The following PEMT variants were observed in gnomAD, a reference collection of about 807,000 sequenced individuals.
PEMT encodes phosphatidylethanolamine N-methyltransferase, also known as phospholipid methyltransferase.
Under a neutral mutation model 27.4 loss-of-function variants are expected in PEMT, and 23 were observed. The ratio of observed to expected loss-of-function variants is 0.84; its 90% CI spans 0.60 to 1.19. The LOEUF is 1.19. Among genes scored for constraint, PEMT ranks in the 50% most tolerant of loss-of-function variants. The probability of loss-of-function intolerance (pLI) is 0.00; values close to 1 mark genes in which losing one functional copy is unlikely to be tolerated. For missense variants in PEMT, 307 were observed against 310.1 expected (o/e 0.99, Z 0.07); for synonymous variants, 137 against 139.1 (o/e 0.98, Z 0.11).
chr17:17,587,391 C>G, intron 1 of PEMT, among the ~76,000 whole-genome samples: 1 of 152,098 alleles, frequency 6.6e-6, no homozygotes. Context: ...AATCCTTTAT[C>G]TTTTAAAGGA....
At chr17:17,522,245 G>A in intron 3 of PEMT, 35 bp downstream of exon 3, 3 of 1,483,576 alleles carry the variant, frequency 2.0e-6, no homozygotes, top group Non-Finnish European at 2.8e-6. Flanking sequence ...GCTAGCCCAG[G>A]GGTTGTGGCT....
chr17:17,578,028 A>C (rs1353968774), intron 1 of PEMT, among the ~76,000 whole-genome samples: 4 of 149,600 alleles, frequency 2.7e-5, no homozygotes, highest in African/African-American at 7.3e-5. Flanking sequence ...AAAAAAAAAA[A>C]AAAAAAGCAC....
chr17:17,576,482 TGTGGAACACACGAGGG>T (rs1319994326), intron 2 of PEMT, among the ~76,000 whole-genome samples: 3 of 152,216 alleles, frequency 2.0e-5, no homozygotes, highest in Non-Finnish European at 2.9e-5. Flanking sequence ...TAACCATGTT[TGTGGAACACACGAGGG>T]GTGGGAGATT....
At position 17,530,531 on chromosome 17, in the gene PEMT, C is replaced by T. The variant is rs570378487; in HGVS notation, c.205-8136G>A. ...AGAGAACAAAGGAACTACTAGAAAT[C>T]CAAAAACTCAATCAATAAACCTGGT... On this transcript the variant is annotated intron_variant, in intron 2 of 6. Transcript: ENST00000255389. Among the ~76,000 whole-genome samples, 47 of 152,058 alleles carry T rather than the reference C, an allele frequency of 3.1e-4. No homozygotes were observed. In the South Asian group the frequency reaches 9.3e-3, roughly 30 times the overall value.
chr17:17,562,178 C>T (rs1910530579), intron 2 of PEMT, among the ~76,000 whole-genome samples: 1 of 152,246 alleles, frequency 6.6e-6, no homozygotes, highest in African/African-American at 2.4e-5. Context: ...CAGCTCTGCA[C>T]ACACGGCCGA....
chr17:17,516,136 C>G (rs1906809022), intron 3 of PEMT, among the ~76,000 whole-genome samples: 1 of 152,172 alleles, frequency 6.6e-6, no homozygotes, highest in Non-Finnish European at 1.5e-5. Context: ...CGTCCACATC[C>G]ATGTGTGGCC....
chr17:17,511,104 C>A (rs1278225792), intron 4 of PEMT, among the ~76,000 whole-genome samples: 1 of 152,212 alleles, frequency 6.6e-6, no homozygotes, highest in Non-Finnish European at 1.5e-5. Context: ...AAGGCCTCGG[C>A]TCATCCTCCT....
intron 2 of PEMT, among the ~76,000 whole-genome samples, chr17:17,534,273 C>T (rs558813584): frequency 2.7e-4 from 41 of 152,330 alleles, no homozygotes; most frequent in African/African-American, 9.4e-4. Flanking sequence ...TAAAAAGGAA[C>T]TACCAGTCCA....
chr17:17,560,564 G>A (rs907535827), intron 2 of PEMT, among the ~76,000 whole-genome samples: 15 of 152,200 alleles, frequency 9.9e-5, no homozygotes, highest in Non-Finnish European at 1.2e-4. Flanking sequence ...TCACCACACC[G>A]GCCCCGGGGA....
At chr17:17,536,810 C>T (rs969434489) in intron 2 of PEMT, among the ~76,000 whole-genome samples, 2 of 152,340 alleles carry the variant, frequency 1.3e-5, no homozygotes, top group African/African-American at 2.4e-5. Context: ...CTGGTATGGC[C>T]GGGAGCAGGA....
intron 2 of PEMT, among the ~76,000 whole-genome samples, chr17:17,546,413 C>A (rs1173678986): frequency 6.6e-6 from 1 of 152,242 alleles, no homozygotes; most frequent in Non-Finnish European, 1.5e-5. Flanking sequence ...AGCAGCAGGG[C>A]TTTCTCCACC....
At chr17:17,534,967 C>A (rs1252050656) in intron 2 of PEMT, among the ~76,000 whole-genome samples, 2 of 151,850 alleles carry the variant, frequency 1.3e-5, no homozygotes, top group Admixed American at 1.3e-4. Flanking sequence ...GTCACCCAGG[C>A]TGGCACAGTC....
chr17:17,540,491 G>A (rs1395465244), intron 2 of PEMT, among the ~76,000 whole-genome samples: 2 of 152,196 alleles, frequency 1.3e-5, no homozygotes, highest in South Asian at 2.1e-4. Flanking sequence ...TAGGCAGGTG[G>A]CAGCAGCCAC....
chr17:17,580,096 A>C (rs1242523146), intron 1 of PEMT, among the ~76,000 whole-genome samples: 1 of 151,104 alleles, frequency 6.6e-6, no homozygotes, highest in African/African-American at 2.4e-5. Context: ...AGGGGAAGGG[A>C]GGGGAGGGAA....
chr17:17,526,459 A>C (rs1041698903), intron 2 of PEMT, among the ~76,000 whole-genome samples: 1 of 152,252 alleles, frequency 6.6e-6, no homozygotes, highest in Admixed American at 6.5e-5. Flanking sequence ...ATCCCCGGCC[A>C]GCGTGGAAGG....
chr17:17,531,517 C>A (rs1908087805), intron 2 of PEMT, among the ~76,000 whole-genome samples: 1 of 146,096 alleles, frequency 6.8e-6, no homozygotes, highest in Admixed American at 7.2e-5. Context: ...CAAAGTGGAA[C>A]TAACACAACC....
In PEMT at chr17:17,561,910, C is replaced by T. The variant is rs939990381; in HGVS notation, c.204+15010G>A. Among the ~76,000 whole-genome samples, 1 of 152,174 alleles carries T rather than the reference C, an allele frequency of 6.6e-6. No individual in the cohort carries two copies. The highest frequency in any genetic ancestry group is 1.5e-5 in the Non-Finnish European group (1 of 68,006). On this transcript the variant is annotated intron_variant, in intron 2 of 6. Coordinates refer to ENST00000255389, the MANE Select transcript of PEMT (RefSeq NM_148172.3). This position sits in a 1 kb window ranked among gnomAD's most constrained non-coding sequence, Gnocchi z 4.5. ...TGACACAGGCAGGGCACACAGCAGC[C>T]GGGAAGCTGGGCTGTTGCGAAGTTG... is the stretch of plus-strand genomic sequence containing the variant.
intron 2 of PEMT, among the ~76,000 whole-genome samples, chr17:17,552,291 G>A (rs139250831): frequency 9.7e-4 from 147 of 152,170 alleles, no homozygotes; most frequent in African/African-American, 3.3e-3. Flanking sequence ...CAGCCTGGGC[G>A]ACAGAGGGAG....
intron 2 of PEMT, among the ~76,000 whole-genome samples, chr17:17,545,662 C>G (rs989244879): frequency 6.6e-6 from 1 of 152,204 alleles, no homozygotes; most frequent in Non-Finnish European, 1.5e-5. Context: ...CAGAACAAAC[C>G]CTACTTTTGC....
Sources: gnomAD v4.1 joint callset for allele counts (sites outside exome capture counted in the v4.1 genomes callset) on GRCh38, gnomAD v4.1.1 for gene constraint, Gnocchi (gnomAD v3.1) non-coding constraint, MANE v1.5 for transcripts, NCBI Gene and HGNC (gene_info 2026-07-23, HGNC 2026-07-21) for gene names.